FNIP1: variants seen among roughly 807,000 people sequenced by gnomAD.
FNIP1 encodes the protein folliculin interacting protein 1, also known as folliculin-interacting protein 1.
A neutral mutation model predicts 124.5 loss-of-function variants in FNIP1; 40 were observed. The ratio of observed to expected loss-of-function variants is 0.32; its 90% CI spans 0.25 to 0.42. The LOEUF (loss-of-function observed/expected upper bound fraction) is 0.42. FNIP1 is among the 10% of genes least tolerant of loss of function. FNIP1 has a pLI of 1.00. For synonymous variants in FNIP1, 472 were observed against 470.6 expected, an observed-to-expected ratio of 1.00 and a Z score of -0.04; for missense variants, 1,176 against 1,403.7, an observed-to-expected ratio of 0.84 and a Z score of 2.59.
chr5:131,717,855 A>C (rs943910760), intron 5 of FNIP1, among the ~76,000 whole-genome samples: 1 of 152,040 alleles, frequency 6.6e-6, no homozygotes, highest in Admixed American at 6.5e-5. Flanking sequence ...TTTTGGCTTC[A>C]ATATTTTTTA....
At chr5:131,676,034 T>G (rs961237815) in intron 13 of FNIP1, among the ~76,000 whole-genome samples, 1 of 150,328 alleles carries the variant, frequency 6.7e-6, no homozygotes, top group Admixed American at 6.6e-5. Context: ...AATTTTTTTT[T>G]TTTTTGAGAC....
At chr5:131,681,546 A>G (rs746273621) in intron 11 of FNIP1, among the ~76,000 whole-genome samples, 35 of 152,328 alleles carry the variant, frequency 2.3e-4, no homozygotes, top group Non-Finnish European at 3.1e-4. Flanking sequence ...AAACAATGGA[A>G]GAAAACTTTT....
chr5:131,698,865 T>C, intron 11 of FNIP1, 52 bp downstream of exon 11: 1 of 1,436,528 alleles, frequency 7.0e-7, no homozygotes, highest in Non-Finnish European at 9.4e-7. Flanking sequence ...AAAATGAATC[T>C]TCCTGTGTAC....
intron 15 of FNIP1, among the ~76,000 whole-genome samples, chr5:131,655,831 T>C (rs1373892575): frequency 6.6e-6 from 1 of 151,056 alleles, no homozygotes; most frequent in Non-Finnish European, 1.5e-5. Flanking sequence ...CGCAGGAGAA[T>C]GGCGTGAACC....
chr5:131,718,266 T>C (rs1290116139), intron 5 of FNIP1, among the ~76,000 whole-genome samples: 4 of 152,164 alleles, frequency 2.6e-5, no homozygotes, highest in Non-Finnish European at 4.4e-5. Context: ...AATAAAACTC[T>C]TCCAAACAGG....
intron 3 of FNIP1, among the ~76,000 whole-genome samples, chr5:131,720,502 T>C (rs1323683541): frequency 6.6e-6 from 1 of 151,832 alleles, no homozygotes; most frequent in African/African-American, 2.4e-5. Context: ...TGGGACTACA[T>C]CAAACTAAAA....
intron 1 of FNIP1, among the ~76,000 whole-genome samples, chr5:131,753,463 C>CA (rs1375249023): frequency 1.3e-5 from 2 of 152,054 alleles, no homozygotes; most frequent in Non-Finnish European, 2.9e-5. Context: ...AAGATGAACT[C>CA]AAAAAATACT....
At chr5:131,657,103 G>A (rs900531298) in intron 15 of FNIP1, among the ~76,000 whole-genome samples, 1 of 141,738 alleles carries the variant, frequency 7.1e-6, no homozygotes, top group African/African-American at 2.7e-5. Flanking sequence ...TCCCAGGTTC[G>A]AGTGCTTCTC....
intron 11 of FNIP1, among the ~76,000 whole-genome samples, chr5:131,681,584 T>C (rs1217564017): frequency 6.6e-6 from 1 of 151,092 alleles, no homozygotes; most frequent in African/African-American, 2.4e-5. Context: ...ACATTAAAAT[T>C]AAAGAGTATG....
intron 1 of FNIP1, among the ~76,000 whole-genome samples, chr5:131,759,450 C>A (rs139805458): frequency 4.6e-5 from 7 of 152,196 alleles, no homozygotes; most frequent in South Asian, 4.1e-4. Context: ...CATGCACTGA[C>A]ACTTCTCAAA....
At chr5:131,691,602 C>T (rs900393669) in intron 11 of FNIP1, among the ~76,000 whole-genome samples, 2 of 151,886 alleles carry the variant, frequency 1.3e-5, no homozygotes, top group African/African-American at 2.4e-5. Context: ...AAGAAAAACA[C>T]AAAAAGACAC....
intron 1 of FNIP1, among the ~76,000 whole-genome samples, chr5:131,786,971 T>A (rs562697920): frequency 6.6e-6 from 1 of 152,328 alleles, no homozygotes; most frequent in South Asian, 2.1e-4. Flanking sequence ...CTATGCCATT[T>A]AATCCTCAAA....
chr5:131,786,322 G>A (rs1186535647), intron 1 of FNIP1, among the ~76,000 whole-genome samples: 3 of 152,140 alleles, frequency 2.0e-5, no homozygotes, highest in Non-Finnish European at 4.4e-5. Context: ...ATCTAGTGAA[G>A]TATTAATATA....
chr5:131,655,896 T>A (rs912076286), intron 15 of FNIP1, among the ~76,000 whole-genome samples: 2 of 149,558 alleles, frequency 1.3e-5, no homozygotes, highest in Non-Finnish European at 3.0e-5. Context: ...CCAGCCTGGG[T>A]GACAGAGCAA....
intron 2 of FNIP1, among the ~76,000 whole-genome samples, chr5:131,740,888 A>G (rs943356712): frequency 1.3e-5 from 2 of 152,220 alleles, no homozygotes; most frequent in African/African-American, 4.8e-5. Context: ...TGGCGACAAG[A>G]GTGACCTCTG....
Position 131,672,343 on chromosome 5 carries a change from A to C in FNIP1, c.2101T>G (p.Ser701Ala). 6.2e-7 allele frequency: 1 copy of C among 1,613,916 alleles called. No individual in the cohort carries two copies. Among genetic ancestry groups the C allele is most frequent in the Non-Finnish European group, 8.5e-7 (1 of 1,179,976 alleles). ...KCALSESGLE[S>A]TEETWQSEKL... ...TCACTCTGCCATGTTTCCTCTGTTG[A>C]CTCTAAGCCTGACTCTGACAATGCA... Residue 701 changes from serine to alanine, a missense_variant, in exon 14 of 18, where the codon TCA (serine) becomes GCA (alanine). Ser to Ala is a moderately conservative substitution (Grantham distance 99). Transcript: ENST00000510461.
chr5:131,759,613 C>T (rs556428691), intron 1 of FNIP1, among the ~76,000 whole-genome samples: 72 of 152,058 alleles, frequency 4.7e-4, no homozygotes, highest in African/African-American at 1.1e-3. Context: ...CTGGTGAGGC[C>T]GTGGAGAAAA....
chr5:131,722,217 G>A (rs1413353554), intron 3 of FNIP1, among the ~76,000 whole-genome samples: 3 of 152,138 alleles, frequency 2.0e-5, no homozygotes, highest in Admixed American at 6.5e-5. Flanking sequence ...TAACAACAAT[G>A]CAACAAGTAC....
intron 1 of FNIP1, among the ~76,000 whole-genome samples, chr5:131,772,009 C>A (rs141081972): frequency 1.3e-5 from 2 of 152,066 alleles, no homozygotes; most frequent in East Asian, 3.9e-4. Context: ...GGTTTGTAGC[C>A]CAGGTAGGTG....
Sources: gnomAD v4.1 joint callset for allele counts (sites outside exome capture counted in the v4.1 genomes callset) on GRCh38, gnomAD v4.1.1 for gene constraint, MANE v1.5 for transcripts, NCBI Gene and HGNC (gene_info 2026-07-23, HGNC 2026-07-21) for gene names.